MTDH: variants seen among roughly 807,000 people sequenced by gnomAD.
MTDH encodes the protein metadherin.
MTDH carries 34 observed loss-of-function variants against 72.7 expected under a neutral mutation model. The observed-to-expected ratio is 0.47, with a 90% CI of 0.36 to 0.62. The LOEUF is 0.62. Ranked by LOEUF, MTDH falls within the 20% of genes least tolerant of loss-of-function variation. The probability of loss-of-function intolerance (pLI) is 0.00; values close to 1 mark genes in which losing one functional copy is unlikely to be tolerated. For missense variants in MTDH, 677 were observed against 699.4 expected, an observed-to-expected ratio of 0.97 and a Z score of 0.36; for synonymous variants, 266 against 268.9, an observed-to-expected ratio of 0.99 and a Z score of 0.10.
In MTDH at chr8:97,726,733, C is replaced by G. The variant is rs774110803; in HGVS notation, c.*2063C>G. Reference sequence around the variant, plus strand: ...AGGTGGATCCAGTATAGAGATACCTCTATTTCTTCTTTATGGCTCAAGAGC... The same window carrying G: ...AGGTGGATCCAGTATAGAGATACCTGTATTTCTTCTTTATGGCTCAAGAGC... On this transcript the variant is annotated 3_prime_UTR_variant, in exon 12 of 12. Coordinates refer to ENST00000336273, the MANE Select transcript of MTDH (RefSeq NM_178812.4). The G allele has an allele frequency of 2.0e-5, 3 of 152,212 alleles. No individual in the cohort carries two copies. Among genetic ancestry groups the G allele is most frequent in the Admixed American group, 6.6e-5 (1 of 15,266 alleles). 9.4% of individuals were successfully genotyped at this position (152,212 alleles called of 1,614,324 possible). A position where few individuals can be genotyped will look rare whatever the true frequency, so the allele number is the denominator to read the frequency against.
chr8:97,683,115 A>G (rs1482366792), intron 2 of MTDH, among the ~76,000 whole-genome samples: 1 of 113,688 alleles, frequency 8.8e-6, no homozygotes, highest in Non-Finnish European at 1.6e-5. Context: ...CCCAGGCTGG[A>G]GTGCAGTGGA....
intron 10 of MTDH, among the ~76,000 whole-genome samples, chr8:97,720,589 A>T (rs4734369): frequency 0.42 from 62,337 of 148,562 alleles, 14,270 homozygotes; most frequent in East Asian, 0.63. Flanking sequence ...GAATATATAT[A>T]TATTTATTTA....
At chr8:97,671,517 AAT>A (rs1294125619) in intron 2 of MTDH, among the ~76,000 whole-genome samples, 1 of 152,138 alleles carries the variant, frequency 6.6e-6, no homozygotes, top group East Asian at 1.9e-4. Flanking sequence ...GTTATAAATT[AAT>A]ATATCTAAAC....
At chr8:97,673,270 C>G (rs533359627) in intron 2 of MTDH, among the ~76,000 whole-genome samples, 91 of 152,226 alleles carry the variant, frequency 6.0e-4, no homozygotes, top group African/African-American at 2.1e-3. Context: ...TCTGTAATCC[C>G]AGCACTTCAG....
In MTDH at chr8:97,690,965, G is replaced by A; in HGVS notation, c.825G>A (p.Leu275=). Residue 275 remains leucine, a synonymous_variant, in exon 6 of 12, where the codon TTG becomes TTA. Coordinates refer to ENST00000336273, the MANE Select transcript of MTDH (RefSeq NM_178812.4). ...GDSTLQVSSG[L]NENLTVNGGG... is the part of the protein sequence containing the mutation. ...CTTTTCTTTAAGTTTCTTCAGGATT[G>A]AATGAAAACCTCACTGTCAATGGAG... 2 of 1,608,900 alleles carry A rather than the reference G, an allele frequency of 1.2e-6. No individual in the cohort carries two copies. The highest frequency in any genetic ancestry group is 1.7e-6 in the Non-Finnish European group (2 of 1,177,878).
intron 6 of MTDH, among the ~76,000 whole-genome samples, chr8:97,697,454 C>T (rs370160999): frequency 7.2e-6 from 1 of 139,824 alleles, no homozygotes; most frequent in African/African-American, 2.7e-5. Context: ...GGCGCAATCT[C>T]GGCTCACGGC....
At chr8:97,647,505 T>A (rs1811612427) in intron 1 of MTDH, among the ~76,000 whole-genome samples, 1 of 151,826 alleles carries the variant, frequency 6.6e-6, no homozygotes, top group African/African-American at 2.4e-5. Context: ...GAGGCTGCAG[T>A]GAGCCAATTC....
intron 1 of MTDH, among the ~76,000 whole-genome samples, chr8:97,650,618 T>A (rs1811734832): frequency 6.6e-6 from 1 of 152,226 alleles, no homozygotes; most frequent in African/African-American, 2.4e-5. Flanking sequence ...CCAGCTGCAG[T>A]GCTGCTTCAA....
intron 10 of MTDH, among the ~76,000 whole-genome samples, chr8:97,721,439 TCA>T (rs371480647): frequency 6.6e-6 from 1 of 151,294 alleles, no homozygotes; most frequent in Non-Finnish European, 1.5e-5. Flanking sequence ...TGAGACCCTG[TCA>T]CACACACACA....
At position 97,713,664 on chromosome 8, in the gene MTDH, C is replaced by T. The variant is rs1814725879; in HGVS notation, c.1275C>T (p.Val425=). Residue 425 remains valine, a splice_region_variant and synonymous_variant, in exon 9 of 12, where the codon GTC becomes GTT. Transcript: ENST00000336273. ...AATATTTTTGCTTTTAACCTAAGGT[C>T]TCAGATGATGATAAAGAAAAGGGAG... is the stretch of plus-strand genomic sequence containing the variant. ...SQEPIPDDQK[V]SDDDKEKGEG... is the part of the protein sequence containing the mutation. 1.3e-6 allele frequency: 2 copies of T among 1,584,720 alleles called. No homozygotes were observed. The highest frequency in any genetic ancestry group is 1.9e-5 in the Admixed American group (1 of 53,582).
At chr8:97,647,933 G>A (rs56366619) in intron 1 of MTDH, among the ~76,000 whole-genome samples, 29,967 of 148,818 alleles carry the variant, frequency 0.2, 3,248 homozygotes, top group East Asian at 0.33. Context: ...AACACAGCAA[G>A]ACTCTGTCTC....
chr8:97,689,443 A>C (rs1263022105), intron 5 of MTDH, among the ~76,000 whole-genome samples: 1 of 151,380 alleles, frequency 6.6e-6, no homozygotes, highest in Non-Finnish European at 1.5e-5. Flanking sequence ...ATATCGGATA[A>C]AATACTTGAT....
At chr8:97,697,148 A>ATTTTT (rs1324445962) in intron 6 of MTDH, among the ~76,000 whole-genome samples, 2 of 68,498 alleles carry the variant, frequency 2.9e-5, no homozygotes, top group African/African-American at 2.0e-4. Context: ...ATATATATAT[A>ATTTTT]TATTTTTTTT....
At chr8:97,708,298 T>TTTC (rs1814452775) in intron 8 of MTDH, among the ~76,000 whole-genome samples, 7 of 101,584 alleles carry the variant, frequency 6.9e-5, no homozygotes, top group Non-Finnish European at 3.9e-5. Context: ...TTTTTTTTTT[T>TTTC]TGAGATGGAG....
In MTDH at chr8:97,649,269, C is replaced by T. The variant is rs538612764; in HGVS notation, c.381+4382C>T. Among the ~76,000 whole-genome samples, 5 of 152,282 alleles carry T rather than the reference C, an allele frequency of 3.3e-5. No individual in the cohort carries two copies. In the East Asian group the frequency reaches 9.6e-4, roughly 29 times the overall value. On this transcript the variant is annotated intron_variant, in intron 1 of 11. Transcript: ENST00000336273. ...TCTGTTCCAGTTTCACTGCCACTGC[C>T]CTACTTTAGGACTTTATTACCTTTT...
chr8:97,704,711 A>G (rs1814278115), intron 7 of MTDH, among the ~76,000 whole-genome samples: 1 of 152,078 alleles, frequency 6.6e-6, no homozygotes, highest in African/African-American at 2.4e-5. Context: ...AATTTTGTCT[A>G]TGATTTTTTT....
chr8:97,715,855 A>G (rs1814848611), intron 9 of MTDH, among the ~76,000 whole-genome samples: 1 of 152,232 alleles, frequency 6.6e-6, no homozygotes. Flanking sequence ...CGTATTGGCA[A>G]AGGTCATTAA....
At chr8:97,706,560 T>A (rs1814361454) in intron 7 of MTDH, 66 bp from the exon 8 acceptor site, 1 of 1,437,676 alleles carries the variant, frequency 7.0e-7, no homozygotes, top group South Asian at 1.5e-5. Flanking sequence ...ATAAGGAATT[T>A]TTAGTTTTTG....
At chr8:97,696,775 A>G (rs1404834417) in intron 6 of MTDH, among the ~76,000 whole-genome samples, 1 of 152,120 alleles carries the variant, frequency 6.6e-6, no homozygotes. Context: ...TTAAATGGAT[A>G]TATGTTTTAT....
Sources: gnomAD v4.1 joint callset for allele counts (sites outside exome capture counted in the v4.1 genomes callset) on GRCh38, gnomAD v4.1.1 for gene constraint, MANE v1.5 for transcripts, NCBI Gene and HGNC (gene_info 2026-07-23, HGNC 2026-07-21) for gene names.